PEX11B: variants seen among roughly 807,000 people sequenced by gnomAD.
PEX11B encodes the protein peroxisomal membrane protein 11B.
A neutral mutation model predicts 28.2 loss-of-function variants in PEX11B; 18 were observed. The observed-to-expected ratio is 0.64, with a 90% CI of 0.44 to 0.95. The LOEUF (loss-of-function observed/expected upper bound fraction) is 0.95. Ranked by LOEUF, PEX11B falls within the 40% of genes least tolerant of loss-of-function variation. The pLI, the probability that PEX11B is intolerant of heterozygous loss-of-function variation, is 0.00. For synonymous variants in PEX11B, 128 were observed against 128.7 expected (o/e 0.99, Z 0.04); for missense variants, 305 against 319.8 (o/e 0.95, Z 0.35).
Position 145,916,866 on chromosome 1 carries a change from C to T in PEX11B, c.325G>A (p.Gly109Arg). The T allele has an allele frequency of 6.2e-7, 1 of 1,614,122 alleles. No individual in the cohort carries two copies. The highest frequency in any genetic ancestry group is 8.5e-7 in the Non-Finnish European group (1 of 1,180,018). The change falls in exon 3 of 4, where the codon GGA becomes AGA. Residue 109 changes from glycine to arginine, a missense_variant. Transcript: ENST00000369306. ...CDNVLWAGKSGLAPRVDQEKW... is the reference protein window; with the variant it reads ...CDNVLWAGKSRLAPRVDQEKW... Reference sequence around the variant, plus strand: ...TCCTGATCCACACGGGGAGCCAGTCCAGACTTTCCAGCCCACAGGACATTG... The same window carrying T: ...TCCTGATCCACACGGGGAGCCAGTCTAGACTTTCCAGCCCACAGGACATTG...
intron 3 of PEX11B, among the ~76,000 whole-genome samples, chr1:145,913,087 CAAAA>C (rs79816387): frequency 4.6e-5 from 3 of 65,582 alleles, no homozygotes; most frequent in Admixed American, 1.9e-4. Context: ...GACTCTGTCT[CAAAA>C]AAAAAAAAAA....
At chr1:145,918,598 CCCCCG>C in intron 1 of PEX11B, 30 bp downstream of exon 1, 1 of 1,502,042 alleles carries the variant, frequency 6.7e-7, no homozygotes, top group Non-Finnish European at 9.1e-7. Context: ...GTCCATCCCT[CCCCCG>C]CCCCACCCCC....
rs1268624510 is a variant in PEX11B at position 145,916,821 on chromosome 1, A to G, written c.370T>C (p.Phe124Leu). The change falls in exon 3 of 4, where the codon TTC becomes CTC. Residue 124 changes from phenylalanine to leucine, a missense_variant. Transcript: ENST00000369306. ...AAGGAGAACAGGATATCAAACCTGA[A>G]TGAACGCTGGGCCCACTTCTCCTGA... Reference protein sequence around the residue: ...VDQEKWAQRSFRYYLFSLIMN... With the variant: ...VDQEKWAQRSLRYYLFSLIMN... 1.2e-6 allele frequency: 2 copies of G among 1,612,756 alleles called. No homozygotes were observed. The highest frequency in any genetic ancestry group is 1.7e-6 in the Non-Finnish European group (2 of 1,178,936).
intron 1 of PEX11B, 156 bp downstream of exon 1, chr1:145,918,477 C>A (rs1647546655): frequency 1.3e-6 from 2 of 1,536,614 alleles, no homozygotes; most frequent in African/African-American, 1.4e-5. Context: ...ATCATCTCAA[C>A]AGCGGCTCAA....
chr1:145,918,170 C>T, intron 1 of PEX11B: 1 of 985,388 alleles, frequency 1.0e-6, no homozygotes, highest in Non-Finnish European at 1.2e-6. Flanking sequence ...CATTTTATTC[C>T]TCAGAATAGG....
Position 145,916,981 on chromosome 1 carries a change from T to G in PEX11B, c.210A>C (p.Ser70=). The G allele has an allele frequency of 6.2e-7, 1 of 1,613,860 alleles. No individual in the cohort carries two copies. Among genetic ancestry groups the G allele is most frequent in the Non-Finnish European group, 8.5e-7 (1 of 1,179,758 alleles). The part of the protein sequence containing the change: ...RLGNSADALE[S]AKRAVHLSDV... ...CTGATAGGTGAACAGCTCTTTTGGC[T>G]GACTCAAGGGCATCTGCTGAGTTAC... The change falls in exon 3 of 4, where the codon TCA becomes TCC. Residue 70 remains serine (S), a synonymous_variant. Coordinates refer to ENST00000369306, the MANE Select transcript of PEX11B (RefSeq NM_003846.3).
chr1:145,915,562 C>T (rs1020148519), intron 3 of PEX11B, among the ~76,000 whole-genome samples: 5 of 152,088 alleles, frequency 3.3e-5, no homozygotes, highest in Non-Finnish European at 5.9e-5. Flanking sequence ...AAGCCAACGT[C>T]ATCTCTTGCT....
In PEX11B at chr1:145,912,070, A is replaced by T; in HGVS notation, c.*91T>A. On this transcript the variant is annotated 3_prime_UTR_variant, in exon 4 of 4. Transcript: ENST00000369306. ...TCTCTGAATTTCTAACTTTAACCAA[A>T]GAGTAGAATTCGAATGAGGCTGGCA... The T allele has an allele frequency of 9.7e-7, 1 of 1,029,050 alleles. No individual in the cohort carries two copies. Among genetic ancestry groups the T allele is most frequent in the Non-Finnish European group, 1.3e-6 (1 of 741,092 alleles). The allele number at this position is 1,029,050 out of a possible 1,614,324, so 63.7% of individuals were successfully genotyped here. A position where few individuals can be genotyped will look rare whatever the true frequency, so the allele number is the denominator to read the frequency against.
intron 3 of PEX11B, among the ~76,000 whole-genome samples, chr1:145,914,600 G>A (rs782143564): frequency 6.6e-6 from 1 of 152,120 alleles, no homozygotes; most frequent in East Asian, 1.9e-4. Flanking sequence ...CTTGCCTTAG[G>A]ACCTTTGCAC....
At chr1:145,918,357 C>G in intron 1 of PEX11B, 1 of 1,528,960 alleles carries the variant, frequency 6.5e-7, no homozygotes, top group Non-Finnish European at 8.8e-7. Flanking sequence ...CATTCCATCA[C>G]CGCCCAGTGA....
rs1657819891 is a variant in PEX11B, at chr1:145,912,125, C to G, written c.*36G>C. 1.4e-6 allele frequency: 2 copies of G among 1,476,950 alleles called. No individual in the cohort carries two copies. The highest frequency in any genetic ancestry group is 1.8e-6 in the Non-Finnish European group (2 of 1,102,462). 91.5% of individuals were successfully genotyped at this position (1,476,950 alleles called of 1,614,324 possible). ...GGGGACGATCTAAGATTCCATCTCA[C>G]CAATTCAGGTCCCCTCCTTATCCTG... On this transcript the variant is annotated 3_prime_UTR_variant, in exon 4 of 4. Transcript: ENST00000369306.
intron 3 of PEX11B, among the ~76,000 whole-genome samples, chr1:145,913,369 T>C (rs781837339): frequency 7.2e-5 from 11 of 152,326 alleles, no homozygotes; most frequent in African/African-American, 2.6e-4. Context: ...AGCTTGACTG[T>C]GGTGATCATG....
chr1:145,917,764 C>CT lies in PEX11B; in HGVS notation c.108dup (p.Ala37SerfsTer4), dbSNP rs1553754165. ...ATCTGTTTCTGTAACTCAGGACTGG[C>CT]TCCATGCCTCTGCAGCGCATGGCCA... On this transcript the variant is annotated frameshift_variant, in exon 2 of 4. Coordinates refer to ENST00000369306, the MANE Select transcript of PEX11B (RefSeq NM_003846.3). LOFTEE classifies it high-confidence loss of function. 6.2e-7 allele frequency: 1 copy of CT among 1,613,832 alleles called. No individual in the cohort carries two copies. Among genetic ancestry groups the CT allele is most frequent in the African/African-American group, 1.3e-5 (1 of 74,926 alleles).
chr1:145,912,664 T>G, intron 3 of PEX11B, 98 bp from the exon 4 acceptor site: 12 of 811,948 alleles, frequency 1.5e-5, no homozygotes, highest in Non-Finnish European at 2.2e-5. Flanking sequence ...GCAAAGAGAT[T>G]ACACATTAGA....
chr1:145,912,280 G>A lies in PEX11B; in HGVS notation c.661C>T (p.Pro221Ser), dbSNP rs1553753218. ...CGCCAGAGGCCTAGTTTGTCCAGAG[G>A]AATGAAGAGATCACAGGCATTTCTG... ...VVRNACDLFI[P>S]LDKLGLWRCG... Residue 221 changes from proline to serine, a missense_variant, in exon 4 of 4, where the codon CCT becomes TCT. By Grantham distance (74) the Pro-to-Ser change is moderately conservative (BLOSUM62 -1). Coordinates refer to ENST00000369306, the MANE Select transcript of PEX11B (RefSeq NM_003846.3). 1 of 1,614,076 alleles carries A rather than the reference G, an allele frequency of 6.2e-7. No homozygotes were observed. Among genetic ancestry groups the A allele is most frequent in the East Asian group, 2.2e-5 (1 of 44,872 alleles).
At chr1:145,915,550 C>G (rs1647327282) in intron 3 of PEX11B, among the ~76,000 whole-genome samples, 3 of 152,268 alleles carry the variant, frequency 2.0e-5, no homozygotes, top group Non-Finnish European at 1.5e-5. Context: ...CCTCCTTTGT[C>G]CAAGCCAACG....
intron 1 of PEX11B, chr1:145,918,119 C>A: frequency 3.0e-6 from 3 of 985,420 alleles, no homozygotes; most frequent in Non-Finnish European, 3.6e-6. Flanking sequence ...TCAGCGTGAG[C>A]ATGTACGTGA....
intron 3 of PEX11B, among the ~76,000 whole-genome samples, chr1:145,914,025 AT>A (rs782362337): frequency 6.6e-6 from 1 of 152,124 alleles, no homozygotes; most frequent in Non-Finnish European, 1.5e-5. Flanking sequence ...CCAACAATCT[AT>A]TTTCATATAA....
In PEX11B at chr1:145,911,972, G is replaced by A; in HGVS notation, c.*189C>T. On this transcript the variant is annotated 3_prime_UTR_variant, in exon 4 of 4. Transcript: ENST00000369306. ...GAAGCTCAGGCACATCTAGAAATTA[G>A]AGACATCCTATTAACTTCACGAGTC... 4.5e-6 allele frequency: 2 copies of A among 443,350 alleles called. No homozygotes were observed. The highest frequency in any genetic ancestry group is 7.9e-6 in the Non-Finnish European group (2 of 252,656). The allele number at this position is 443,350 out of a possible 1,614,324, so 27.5% of individuals were successfully genotyped here. A position where few individuals can be genotyped will look rare whatever the true frequency, so the allele number is the denominator to read the frequency against.
Sources: allele counts gnomAD v4.1 joint callset (sites outside exome capture counted in the v4.1 genomes callset), GRCh38; gene constraint gnomAD v4.1.1; transcripts MANE v1.5; gene names NCBI Gene and HGNC (gene_info 2026-07-23, HGNC 2026-07-21).